The following PRKN variants were observed in gnomAD, a reference collection of about 807,000 sequenced individuals.
PRKN encodes the protein E3 ubiquitin-protein ligase parkin.
In PRKN, 56 loss-of-function variants were observed where a neutral mutation model predicts 59.5. That is an observed-to-expected ratio of 0.94 (90% CI 0.76 to 1.18). The LOEUF (loss-of-function observed/expected upper bound fraction) is 1.18. Among genes scored for constraint, PRKN ranks in the 50% most tolerant of loss-of-function variants. PRKN has a pLI of 0.00. For missense variants in PRKN, 657 were observed against 596.4 expected (o/e 1.10, Z -1.06); for synonymous variants, 250 against 222.1 (o/e 1.13, Z -1.12).
rs1043648912 is a variant in PRKN at position 161,353,412 on chromosome 6, C to T, written c.1286-3201G>A. On this transcript the variant is annotated intron_variant, in intron 11 of 11. Transcript: ENST00000366898. This position sits in a 1 kb window ranked among gnomAD's most constrained non-coding sequence, Gnocchi z 4.8. ...TCCATCTTTTAGCGTGAGATCAAAG[C>T]CTTTCTGTCCCACCGCATTTCAACA... Among the ~76,000 whole-genome samples the T allele has an allele frequency of 6.6e-6, 1 of 152,136 alleles. No individual in the cohort carries two copies. Among genetic ancestry groups the T allele is most frequent in the Non-Finnish European group, 1.5e-5 (1 of 68,028 alleles).
rs554768533 is a variant in PRKN, at chr6:162,619,756, C to T, written c.7+107906G>A. Among the ~76,000 whole-genome samples, 17 of 151,950 alleles carry T rather than the reference C, an allele frequency of 1.1e-4. No individual in the cohort carries two copies. In the East Asian group the frequency reaches 2.3e-3, roughly 21 times the overall value. On this transcript the variant is annotated intron_variant, in intron 1 of 11. Coordinates refer to ENST00000366898, the MANE Select transcript of PRKN (RefSeq NM_004562.3). ...CACTACCGCAGATAGGCAAGCAGGC[C>T]GACTGAAGCATGTTGAATAAATCAT...
intron 1 of PRKN, among the ~76,000 whole-genome samples, chr6:162,621,228 G>A (rs1256495864): frequency 6.6e-6 from 1 of 152,118 alleles, no homozygotes. Context: ...GGGTTCTCTG[G>A]GTTTGGCCAC....
intron 2 of PRKN, among the ~76,000 whole-genome samples, chr6:162,325,494 T>C (rs572664495): frequency 8.5e-5 from 13 of 152,132 alleles, no homozygotes; most frequent in Non-Finnish European, 1.3e-4. Context: ...GACATCTCTT[T>C]TCTATGTTCC....
chr6:162,133,307 G>A (rs532584082), intron 4 of PRKN, among the ~76,000 whole-genome samples: 17 of 152,164 alleles, frequency 1.1e-4, no homozygotes, highest in Non-Finnish European at 1.0e-4. Context: ...TGGAGGTAGC[G>A]TCAGCAACGC....
At chr6:161,806,302 A>G (rs990198894) in intron 6 of PRKN, among the ~76,000 whole-genome samples, 4 of 152,184 alleles carry the variant, frequency 2.6e-5, no homozygotes, top group African/African-American at 4.8e-5. Context: ...GGGCCCTGAT[A>G]TCGCACACAG....
At chr6:161,870,557 G>A (rs935362040) in intron 6 of PRKN, among the ~76,000 whole-genome samples, 14 of 151,954 alleles carry the variant, frequency 9.2e-5, no homozygotes, top group Non-Finnish European at 1.5e-4. Flanking sequence ...CATTTAACAC[G>A]ACTTATTTAC....
chr6:161,790,216 ATGT>A (rs1156417683), intron 6 of PRKN, among the ~76,000 whole-genome samples: 1 of 152,200 alleles, frequency 6.6e-6, no homozygotes, highest in African/African-American at 2.4e-5. Context: ...CTGGAAAGAA[ATGT>A]TGTTTCTAAG....
chr6:162,289,254 G>A (rs1031919916), intron 2 of PRKN, among the ~76,000 whole-genome samples: 4 of 152,032 alleles, frequency 2.6e-5, no homozygotes, highest in African/African-American at 9.7e-5. Flanking sequence ...TCCTGCCTCT[G>A]TGCTTGTCTG....
intron 2 of PRKN, among the ~76,000 whole-genome samples, chr6:162,294,264 TCTC>T (rs1781563082): frequency 6.6e-6 from 1 of 151,934 alleles, no homozygotes. Flanking sequence ...CTGGCCCCAT[TCTC>T]CTCCTTCCTA....
At chr6:162,685,660 A>C (rs546683022) in intron 1 of PRKN, among the ~76,000 whole-genome samples, 2 of 152,324 alleles carry the variant, frequency 1.3e-5, no homozygotes, top group South Asian at 4.1e-4. Flanking sequence ...CTAAAAGTTA[A>C]ATTCAGTGAC....
intron 6 of PRKN, among the ~76,000 whole-genome samples, chr6:161,922,494 T>C (rs528834385): frequency 3.9e-5 from 6 of 152,330 alleles, no homozygotes; most frequent in African/African-American, 1.4e-4. Flanking sequence ...TGTGTGTGTA[T>C]ATATACTTAT....
At chr6:161,558,656 TA>T (rs1780335542) in intron 8 of PRKN, among the ~76,000 whole-genome samples, 2 of 152,178 alleles carry the variant, frequency 1.3e-5, no homozygotes, top group East Asian at 3.8e-4. Context: ...CTCTTTGGAT[TA>T]AAAAAACTAT....
Position 161,361,611 on chromosome 6 carries a change from G to C in PRKN, c.1168-1406C>G, listed in dbSNP as rs1784977986. ...GCACATGGGTGGTATCCCTGACAGTGGTGGGGGCACCACAGACAAGCTTTG... is the reference window on the plus strand; with the variant it reads ...GCACATGGGTGGTATCCCTGACAGTCGTGGGGGCACCACAGACAAGCTTTG... On this transcript the variant is annotated intron_variant, in intron 10 of 11. Transcript: ENST00000366898. This position sits in a 1 kb window ranked among gnomAD's most constrained non-coding sequence, Gnocchi z 5.2. Among the ~76,000 whole-genome samples, 1 of 152,200 alleles carries C rather than the reference G, an allele frequency of 6.6e-6. No homozygotes were observed. Among genetic ancestry groups the C allele is most frequent in the Non-Finnish European group, 1.5e-5 (1 of 68,032 alleles).
chr6:161,970,333 G>A (rs1238286711), intron 6 of PRKN, among the ~76,000 whole-genome samples: 3 of 151,646 alleles, frequency 2.0e-5, no homozygotes, highest in Non-Finnish European at 2.9e-5. Flanking sequence ...GAGCTGCCAC[G>A]TGCATGCCTG....
intron 7 of PRKN, among the ~76,000 whole-genome samples, chr6:161,690,958 AATCC>A (rs35211075): frequency 0.064 from 9,387 of 145,740 alleles, 574 homozygotes; most frequent in African/African-American, 0.16. Context: ...TCGATTGAAC[AATCC>A]ATCCATCCAT....
At chr6:162,478,295 T>C (rs1224059974) in intron 1 of PRKN, among the ~76,000 whole-genome samples, 2 of 152,154 alleles carry the variant, frequency 1.3e-5, no homozygotes, top group Admixed American at 6.5e-5. Context: ...TGAAAGTGAC[T>C]CTGGCTGTAA....
At chr6:162,450,687 C>A (rs1197482063) in intron 1 of PRKN, among the ~76,000 whole-genome samples, 1 of 152,126 alleles carries the variant, frequency 6.6e-6, no homozygotes, top group African/African-American at 2.4e-5. Flanking sequence ...GTAAAAAACA[C>A]CTGGCCAGCA....
intron 1 of PRKN, among the ~76,000 whole-genome samples, chr6:162,453,350 ACT>A (rs1295064044): frequency 6.6e-6 from 1 of 151,268 alleles, no homozygotes; most frequent in Admixed American, 6.6e-5. Context: ...TCCCCAACAT[ACT>A]CTTTTTTTAT....
At chr6:161,670,560 A>T (rs1403942369) in intron 7 of PRKN, among the ~76,000 whole-genome samples, 1 of 152,168 alleles carries the variant, frequency 6.6e-6, no homozygotes, top group Admixed American at 6.5e-5. Flanking sequence ...TCACGCCTGT[A>T]ATCCCAGCAC....
Sources: allele counts gnomAD v4.1 joint callset (sites outside exome capture counted in the v4.1 genomes callset), GRCh38; gene constraint gnomAD v4.1.1; non-coding constraint Gnocchi (gnomAD v3.1); transcripts MANE v1.5; gene names NCBI Gene and HGNC (gene_info 2026-07-23, HGNC 2026-07-21).